Variants in PACS1 observed in about 807,000 individuals in gnomAD.
PACS1 encodes the protein phosphofurin acidic cluster sorting protein 1.
A neutral mutation model predicts 115.0 loss-of-function variants in PACS1; 24 were observed. The observed-to-expected ratio is 0.21, with a 90% CI of 0.15 to 0.29. The LOEUF is 0.29. Among genes scored for constraint, PACS1 ranks in the 10% least tolerant of loss-of-function variants. PACS1 has a pLI of 1.00. For missense variants in PACS1, 838 were observed against 1,251.2 expected, an observed-to-expected ratio of 0.67 and a Z score of 4.98; for synonymous variants, 453 against 504.5, an observed-to-expected ratio of 0.90 and a Z score of 1.37.
chr11:66,229,957 CA>C (rs34895785), intron 11 of PACS1, among the ~76,000 whole-genome samples: 202 of 134,546 alleles, frequency 1.5e-3, no homozygotes, highest in African/African-American at 2.0e-3. Context: ...AAGTCCATCC[CA>C]AAAAAAAAAA....
chr11:66,122,551 A>G (rs1858469539), intron 1 of PACS1, among the ~76,000 whole-genome samples: 1 of 152,268 alleles, frequency 6.6e-6, no homozygotes, highest in South Asian at 2.1e-4. Flanking sequence ...TCACCATTTT[A>G]GATGCCATTA....
chr11:66,099,650 A>AG (rs1441979750), intron 1 of PACS1, among the ~76,000 whole-genome samples: 1 of 145,602 alleles, frequency 6.9e-6, no homozygotes. Context: ...GGCTCAAGTC[A>AG]TCCTCCCACC....
At chr11:66,088,082 GTC>G (rs1235453651) in intron 1 of PACS1, among the ~76,000 whole-genome samples, 1 of 151,802 alleles carries the variant, frequency 6.6e-6, no homozygotes, top group Non-Finnish European at 1.5e-5. Context: ...TATTTTGGTT[GTC>G]TCTCTGTTTC....
At chr11:66,207,034 C>T (rs1376874546) in intron 2 of PACS1, among the ~76,000 whole-genome samples, 2 of 152,224 alleles carry the variant, frequency 1.3e-5, no homozygotes, top group East Asian at 1.9e-4. Context: ...TGGCCAGTCT[C>T]GTTTCGTCTG....
chr11:66,072,188 T>A (rs995424875), intron 1 of PACS1, among the ~76,000 whole-genome samples: 3 of 152,212 alleles, frequency 2.0e-5, no homozygotes, highest in Non-Finnish European at 4.4e-5. Context: ...TATTTTTTTT[T>A]AAATCAGCAT....
At chr11:66,206,455 G>A (rs1249995064) in intron 2 of PACS1, among the ~76,000 whole-genome samples, 1 of 152,150 alleles carries the variant, frequency 6.6e-6, no homozygotes, top group Non-Finnish European at 1.5e-5. Flanking sequence ...AAAGGGCTGG[G>A]CTGGGCTGGG....
At chr11:66,127,940 G>T (rs538892080) in intron 1 of PACS1, among the ~76,000 whole-genome samples, 32 of 152,210 alleles carry the variant, frequency 2.1e-4, no homozygotes, top group Non-Finnish European at 4.4e-4. Flanking sequence ...AAAACGCCTA[G>T]ATCTTACTGT....
At chr11:66,132,006 C>G (rs114030704) in intron 1 of PACS1, among the ~76,000 whole-genome samples, 4 of 151,980 alleles carry the variant, frequency 2.6e-5, no homozygotes, top group Non-Finnish European at 5.9e-5. Context: ...TCTAAGTACA[C>G]TTGTCCCTTG....
At position 66,241,669 on chromosome 11, in the gene PACS1, G is replaced by A. The variant is rs749786782; in HGVS notation, c.2656+16G>A. ...AACAAGAAAGGTAAGTACCCCCAAG[G>A]CCGGGGAAGACCATGGGCCACCAGG... On this transcript the variant is annotated intron_variant, in intron 22 of 23. Coordinates refer to ENST00000320580, the MANE Select transcript of PACS1 (RefSeq NM_018026.4). 3 of 1,597,708 alleles carry A rather than the reference G, an allele frequency of 1.9e-6. No individual in the cohort carries two copies. Among genetic ancestry groups the A allele is most frequent in the Admixed American group, 1.7e-5 (1 of 59,748 alleles).
intron 1 of PACS1, among the ~76,000 whole-genome samples, chr11:66,174,537 G>A (rs1464275226): frequency 1.3e-5 from 2 of 152,186 alleles, no homozygotes; most frequent in Non-Finnish European, 2.9e-5. Context: ...CCACCAACTT[G>A]TAAATGGATA....
Position 66,220,864 on chromosome 11 carries a change from G to A in PACS1, c.1199+73G>A, listed in dbSNP as rs879110770. 6.1e-5 allele frequency: 89 copies of A among 1,466,834 alleles called. No homozygotes were observed. In the South Asian group the frequency reaches 7.8e-4, roughly 13 times the overall value. 90.9% of individuals were successfully genotyped at this position (1,466,834 alleles called of 1,614,324 possible). On this transcript the variant is annotated intron_variant, in intron 9 of 23. Transcript: ENST00000320580. ...ATAGCAGTCTCCTGACCCCTCCCTC[G>A]CTGTCCCCTCTATTACCAGAGAATC...
intron 2 of PACS1, among the ~76,000 whole-genome samples, chr11:66,195,644 A>G (rs527415852): frequency 1.3e-5 from 2 of 152,326 alleles, no homozygotes; most frequent in South Asian, 4.1e-4. Context: ...TGAATTTTTA[A>G]ATTGTTCTAC....
rs1855680746 is a variant in PACS1 at position 66,235,166 on chromosome 11, A to G, written c.2105-135A>G. ...GGGCTCATGATTCCTTCAAACCAGA[A>G]GGACCGTAGAGCCCCATCCTTCACT... On this transcript the variant is annotated intron_variant, in intron 17 of 23. Transcript: ENST00000320580. The surrounding 1 kb of genome is among the most constrained non-coding windows in gnomAD (Gnocchi z 5.6). 1.6e-6 allele frequency: 1 copy of G among 630,834 alleles called. No homozygotes were observed. Among genetic ancestry groups the G allele is most frequent in the South Asian group, 2.0e-5 (1 of 50,678 alleles). The allele number at this position is 630,834 out of a possible 1,614,324, so 39.1% of individuals were successfully genotyped here.
At chr11:66,209,322 A>G (rs1042331651) in intron 2 of PACS1, among the ~76,000 whole-genome samples, 5 of 150,354 alleles carry the variant, frequency 3.3e-5, no homozygotes, top group African/African-American at 1.2e-4. Context: ...CAGCCCGGCC[A>G]ACATGGCAGT....
intron 1 of PACS1, among the ~76,000 whole-genome samples, chr11:66,107,664 G>A (rs541056260): frequency 6.6e-6 from 1 of 152,280 alleles, no homozygotes; most frequent in African/African-American, 2.4e-5. Flanking sequence ...ACTATACCAC[G>A]TTGGCCAGGG....
intron 1 of PACS1, among the ~76,000 whole-genome samples, chr11:66,110,795 C>G (rs921971331): frequency 6.6e-6 from 1 of 152,188 alleles, no homozygotes; most frequent in Non-Finnish European, 1.5e-5. Context: ...TCATGAACTC[C>G]TGACCTCAAG....
chr11:66,240,470 G>A (rs1044169907), intron 21 of PACS1, among the ~76,000 whole-genome samples: 4 of 152,184 alleles, frequency 2.6e-5, no homozygotes, highest in South Asian at 2.1e-4. Flanking sequence ...GGCATTGGCC[G>A]GTGGCTTCCC....
intron 4 of PACS1, among the ~76,000 whole-genome samples, chr11:66,211,491 A>T (rs1442942908): frequency 6.6e-6 from 1 of 152,272 alleles, no homozygotes; most frequent in African/African-American, 2.4e-5. Context: ...TCAAAAAATT[A>T]CATAAAATTT....
intron 4 of PACS1, among the ~76,000 whole-genome samples, chr11:66,213,744 A>T (rs1442380173): frequency 6.6e-6 from 1 of 152,214 alleles, no homozygotes; most frequent in Non-Finnish European, 1.5e-5. Context: ...GTAAGAAGTC[A>T]GGCTGTGGGC....
Sources: gnomAD v4.1 joint callset for allele counts (sites outside exome capture counted in the v4.1 genomes callset) on GRCh38, gnomAD v4.1.1 for gene constraint, Gnocchi (gnomAD v3.1) non-coding constraint, MANE v1.5 for transcripts, NCBI Gene and HGNC (gene_info 2026-07-23, HGNC 2026-07-21) for gene names.